Variants in WAPL observed in about 807,000 individuals in gnomAD.
WAPL encodes the protein WAPL cohesin release factor.
WAPL carries 5 observed loss-of-function variants against 121.0 expected under a neutral mutation model. The ratio of observed to expected loss-of-function variants is 0.04; its 90% CI spans 0.02 to 0.09. The LOEUF (loss-of-function observed/expected upper bound fraction) is 0.09, where lower values mean the gene tolerates loss of function less well. WAPL is among the 10% of genes least tolerant of loss of function. The pLI is 1.00. For missense variants in WAPL, 999 were observed against 1,410.8 expected (o/e 0.71, Z 4.68); for synonymous variants, 480 against 481.5 (o/e 1.00, Z 0.04).
In WAPL at chr10:86,462,251, C is replaced by T. The variant is rs1164351843; in HGVS notation, c.2371-964G>A. Among the ~76,000 whole-genome samples, 5 of 152,140 alleles carry T rather than the reference C, an allele frequency of 3.3e-5. No individual in the cohort carries two copies. In the East Asian group the frequency reaches 7.7e-4, roughly 23 times the overall value. ...GACTGACAAGATCTGGTTTTTCTCC[C>T]TAAGTTTCTCCCCTTCAAAAGATGA... On this transcript the variant is annotated intron_variant, in intron 9 of 18. Coordinates refer to ENST00000298767, the MANE Select transcript of WAPL (RefSeq NM_015045.5).
intron 4 of WAPL, among the ~76,000 whole-genome samples, chr10:86,485,493 C>T (rs1406839550): frequency 2.0e-5 from 3 of 151,910 alleles, no homozygotes; most frequent in Non-Finnish European, 2.9e-5. Flanking sequence ...GCTGAGACTG[C>T]GCCACTGCAC....
At chr10:86,481,593 G>A (rs1193130528) in intron 4 of WAPL, among the ~76,000 whole-genome samples, 2 of 152,054 alleles carry the variant, frequency 1.3e-5, no homozygotes, top group South Asian at 4.2e-4. Context: ...GGCTGCTCTC[G>A]AACTCCTGAC....
At chr10:86,519,782 A>G (rs997212083) in intron 1 of WAPL, among the ~76,000 whole-genome samples, 4 of 152,270 alleles carry the variant, frequency 2.6e-5, no homozygotes, top group Admixed American at 2.0e-4. Flanking sequence ...GTACACATAC[A>G]CACCAACAAA....
intron 3 of WAPL, among the ~76,000 whole-genome samples, chr10:86,497,795 C>A (rs925721405): frequency 6.6e-6 from 1 of 152,128 alleles, no homozygotes; most frequent in East Asian, 1.9e-4. Context: ...ATTTAAAACA[C>A]CAGAAAAGGA....
chr10:86,509,858 G>A (rs1337292759), intron 2 of WAPL, among the ~76,000 whole-genome samples: 1 of 150,680 alleles, frequency 6.6e-6, no homozygotes, highest in African/African-American at 2.4e-5. Flanking sequence ...TCCACCTCCC[G>A]GGTTCAAGCA....
intron 17 of WAPL, among the ~76,000 whole-genome samples, chr10:86,441,767 C>T (rs998164249): frequency 4.0e-5 from 6 of 151,866 alleles, no homozygotes; most frequent in Admixed American, 3.3e-4. Flanking sequence ...TTTGAGAGGT[C>T]GAGGCAGGAG....
At chr10:86,442,818 T>A (rs1271775357) in intron 17 of WAPL, among the ~76,000 whole-genome samples, 1 of 152,118 alleles carries the variant, frequency 6.6e-6, no homozygotes, top group Non-Finnish European at 1.5e-5. Flanking sequence ...GGCAGGCGGA[T>A]CACGAGGTCA....
chr10:86,501,540 CAA>C (rs2132222293), intron 2 of WAPL, among the ~76,000 whole-genome samples: 2 of 152,252 alleles, frequency 1.3e-5, no homozygotes, highest in African/African-American at 4.8e-5. Context: ...TACCCTATGC[CAA>C]ACAATAAAAT....
At position 86,435,739 on chromosome 10, in the gene WAPL, G is replaced by C. The variant is rs1038679728; in HGVS notation, c.*1804C>G. On this transcript the variant is annotated 3_prime_UTR_variant, in exon 19 of 19. Transcript: ENST00000298767. Reference sequence around the variant, plus strand: ...CCAGTGTAACAGAAAAATGCAGTTCGCCCTGATTGTTCTCATCCAAATGTT... The same window carrying C: ...CCAGTGTAACAGAAAAATGCAGTTCCCCCTGATTGTTCTCATCCAAATGTT... 2 of 152,444 alleles carry C rather than the reference G, an allele frequency of 1.3e-5. No individual in the cohort carries two copies. Among genetic ancestry groups the C allele is most frequent in the Non-Finnish European group, 2.9e-5 (2 of 68,018 alleles). The allele number at this position is 152,444 out of a possible 1,614,324, so 9.4% of individuals were successfully genotyped here. A position where few individuals can be genotyped will look rare whatever the true frequency, so the allele number is the denominator to read the frequency against.
rs768632606 is a variant in WAPL at position 86,471,001 on chromosome 10, C to G, written c.2133G>C (p.Gln711His). Residue 711 changes from glutamine to histidine, a missense_variant, in exon 8 of 19, where the codon CAG (glutamine) becomes CAC (histidine). By Grantham distance (24) the Gln-to-His change is conservative. This residue lies in a region of WAPL where 118 missense variants were observed against 318.3 expected (regional missense o/e 0.37). Transcript: ENST00000298767. ...GAAACTTAAAAAATACCTGATGGTGCTGGGAATCATCCAAGGTTTTAAAGA... is the reference window on the plus strand; with the variant it reads ...GAAACTTAAAAAATACCTGATGGTGGTGGGAATCATCCAAGGTTTTAAAGA... ...AMVFKTLDDS[Q>H]HHQNLSLCTA... The G allele has an allele frequency of 5.6e-6, 9 of 1,613,216 alleles. No individual in the cohort carries two copies. The South Asian group carries it at 9.9e-5, about 18-fold the overall frequency.
At chr10:86,459,596 G>A (rs1424368729) in intron 11 of WAPL, among the ~76,000 whole-genome samples, 3 of 152,208 alleles carry the variant, frequency 2.0e-5, no homozygotes, top group East Asian at 3.8e-4. Context: ...ACTGGGTTAA[G>A]TCTTTCGTAA....
chr10:86,516,855 C>T (rs1295421227), intron 2 of WAPL, among the ~76,000 whole-genome samples: 1 of 152,008 alleles, frequency 6.6e-6, no homozygotes, highest in Non-Finnish European at 1.5e-5. Flanking sequence ...GGAGGTGAGG[C>T]GGGCAGATCA....
In WAPL at chr10:86,500,459, C is replaced by G. The variant is rs1842226984; in HGVS notation, c.784G>C (p.Glu262Gln). ...TTTTTAAAATCGTCATCCTTCATCTCCAAAAGGGGATCACTATCCAAACTT... is the reference window on the plus strand; with the variant it reads ...TTTTTAAAATCGTCATCCTTCATCTGCAAAAGGGGATCACTATCCAAACTT... ...ILSLDSDPLL[E>Q]MKDDDFKNRL... Residue 262 changes from glutamate to glutamine, a missense_variant, in exon 3 of 19, where the codon GAG becomes CAG. This residue lies in a region of WAPL where 531 missense variants were observed against 563.1 expected (regional missense o/e 0.94). Coordinates refer to ENST00000298767, the MANE Select transcript of WAPL (RefSeq NM_015045.5). The G allele has an allele frequency of 1.2e-6, 2 of 1,614,070 alleles. No individual in the cohort carries two copies. The highest frequency in any genetic ancestry group is 1.7e-6 in the Non-Finnish European group (2 of 1,180,052).
At chr10:86,447,598 A>G (rs559409280) in intron 15 of WAPL, among the ~76,000 whole-genome samples, 10 of 152,352 alleles carry the variant, frequency 6.6e-5, no homozygotes, top group African/African-American at 2.2e-4. Context: ...CTCTTATAAA[A>G]AAAAAAAGTT....
At chr10:86,507,458 CCT>C (rs1435994819) in intron 2 of WAPL, among the ~76,000 whole-genome samples, 14 of 151,388 alleles carry the variant, frequency 9.2e-5, no homozygotes, top group African/African-American at 3.2e-4. Context: ...CATCCAACAA[CCT>C]CTTATTCAAC....
chr10:86,453,948 C>T, intron 12 of WAPL, 117 bp from the exon 13 acceptor site: 1 of 959,088 alleles, frequency 1.0e-6, no homozygotes, highest in Non-Finnish European at 1.4e-6. Flanking sequence ...TTGGAAAAAT[C>T]TGATACCTTA....
chr10:86,503,745 T>TC (rs1842290893), intron 2 of WAPL, among the ~76,000 whole-genome samples: 1 of 51,802 alleles, frequency 1.9e-5, no homozygotes, highest in Non-Finnish European at 3.7e-5. Flanking sequence ...AGAGCAAGAC[T>TC]CCATCTCAAA....
At chr10:86,454,279 A>G (rs1170710378) in intron 12 of WAPL, among the ~76,000 whole-genome samples, 1 of 152,210 alleles carries the variant, frequency 6.6e-6, no homozygotes, top group Non-Finnish European at 1.5e-5. Flanking sequence ...ATAAATCATT[A>G]TTTTTTAATT....
intron 4 of WAPL, among the ~76,000 whole-genome samples, chr10:86,476,687 TAAAAA>T (rs34743479): frequency 1.4e-5 from 2 of 140,182 alleles, no homozygotes; most frequent in Non-Finnish European, 3.1e-5. Flanking sequence ...AGACTGTCTT[TAAAAA>T]AAAAAAAAAA....
Sources: allele counts gnomAD v4.1 joint callset (sites outside exome capture counted in the v4.1 genomes callset), GRCh38; gene constraint gnomAD v4.1.1; regional missense constraint gnomAD v4.1.1; transcripts MANE v1.5; gene names NCBI Gene and HGNC (gene_info 2026-07-23, HGNC 2026-07-21).